Variants in ANKRD13B observed in about 807,000 individuals in gnomAD.
The protein encoded by ANKRD13B is ankyrin repeat domain-containing protein 13B.
Under a neutral mutation model 74.4 loss-of-function variants are expected in ANKRD13B, and 33 were observed. The observed-to-expected ratio is 0.44, with a 90% CI of 0.34 to 0.59. The LOEUF (loss-of-function observed/expected upper bound fraction) is 0.59, where lower values mean the gene tolerates loss of function less well. ANKRD13B is among the 20% of genes least tolerant of loss of function. The pLI is 0.02. For missense variants in ANKRD13B, 676 were observed against 877.9 expected, an observed-to-expected ratio of 0.77 and a Z score of 2.91; for synonymous variants, 341 against 362.9, an observed-to-expected ratio of 0.94 and a Z score of 0.68.
rs1032002455 is a variant in ANKRD13B, at chr17:29,612,735, G to A, written c.1495G>A (p.Ala499Thr). 2 of 1,601,322 alleles carry A rather than the reference G, an allele frequency of 1.2e-6. No homozygotes were observed. Among genetic ancestry groups the A allele is most frequent in the East Asian group, 2.2e-5 (1 of 44,778 alleles). Residue 499 changes from alanine to threonine, a missense_variant, in exon 13 of 15, where the codon GCG becomes ACG. This residue lies in a region of ANKRD13B where 152 missense variants were observed against 181.4 expected (regional missense o/e 0.84). Transcript: ENST00000394859. The surrounding 1 kb of genome is among the most constrained non-coding windows in gnomAD (Gnocchi z 6.1). ...CATGATGGGCGGCCAGCGGGAGGCGGCGACCCGGGACGACGACGACGACCT... is the reference window on the plus strand; with the variant it reads ...CATGATGGGCGGCCAGCGGGAGGCGACGACCCGGGACGACGACGACGACCT... ...YSMMGGQREA[A>T]TRDDDDDLLQ...
intron 1 of ANKRD13B, among the ~76,000 whole-genome samples, chr17:29,605,933 A>G (rs1211573664): frequency 6.7e-6 from 1 of 149,186 alleles, no homozygotes; most frequent in African/African-American, 2.5e-5. Context: ...TTTTTTTGAG[A>G]CGGAGTTTTG....
intron 1 of ANKRD13B, among the ~76,000 whole-genome samples, chr17:29,602,094 G>A (rs2034200667): frequency 6.6e-6 from 1 of 152,082 alleles, no homozygotes; most frequent in South Asian, 2.1e-4. Context: ...AAACTAGGTG[G>A]GTTAAAACAA....
Position 29,609,461 on chromosome 17 carries a change from T to C in ANKRD13B, c.822+40T>C, listed in dbSNP as rs1186056040. 3 of 1,608,872 alleles carry C rather than the reference T, an allele frequency of 1.9e-6. No homozygotes were observed. Among genetic ancestry groups the C allele is most frequent in the African/African-American group, 2.7e-5 (2 of 74,816 alleles). ...CCCAGCTGCCAGCCCAGCTGCACTC[T>C]TGCCTACAGCAAGCTGTACAGGGGA... is the stretch of plus-strand genomic sequence containing the variant. On this transcript the variant is annotated intron_variant, in intron 7 of 14. Transcript: ENST00000394859. This position sits in a 1 kb window ranked among gnomAD's most constrained non-coding sequence, Gnocchi z 4.0.
Position 29,593,501 on chromosome 17 carries a change from C to T in ANKRD13B, c.-121C>T, listed in dbSNP as rs1320138941. On this transcript the variant is annotated 5_prime_UTR_variant, in exon 1 of 15. Coordinates refer to ENST00000394859, the MANE Select transcript of ANKRD13B (RefSeq NM_152345.5). ...CCCCGCCCGCCGCCGCTCGCACATG[C>T]CCGAGCCGCAGCCCCGCGAGCAGGC... The T allele has an allele frequency of 3.7e-6, 1 of 270,438 alleles. No homozygotes were observed. Among genetic ancestry groups the T allele is most frequent in the Non-Finnish European group, 5.6e-6 (1 of 179,188 alleles). 16.8% of individuals were successfully genotyped at this position (270,438 alleles called of 1,614,324 possible).
chr17:29,611,977 C>A lies in ANKRD13B; in HGVS notation c.1071C>A (p.Arg357=), dbSNP rs140351736. The A allele has an allele frequency of 4.4e-4, 718 of 1,613,582 alleles. 1 individual carries two copies. The highest frequency in any genetic ancestry group is 5.9e-4 in the Non-Finnish European group (698 of 1,179,818). Residue 357 remains arginine, a synonymous_variant, in exon 10 of 15, where the codon CGC becomes CGA. Coordinates refer to ENST00000394859, the MANE Select transcript of ANKRD13B (RefSeq NM_152345.5). The surrounding 1 kb of genome is among the most constrained non-coding windows in gnomAD (Gnocchi z 4.3). The part of the protein sequence containing the change: ...NFELGNRDMG[R]PMELTTKTQK... ...AGCTGGGCAACCGTGATATGGGCCG[C>A]CCCATGGAACTGACCACCAAGACAC...
At position 29,607,966 on chromosome 17, in the gene ANKRD13B, C is replaced by G. The variant is rs776074565; in HGVS notation, c.251-20C>G. The G allele has an allele frequency of 1.9e-6, 3 of 1,595,096 alleles. No individual in the cohort carries two copies. The East Asian group carries it at 6.7e-5, about 36-fold the overall frequency. On this transcript the variant is annotated intron_variant, in intron 2 of 14. Transcript: ENST00000394859. Reference sequence around the variant, plus strand: ...TGGCTGAAGGGTCCTGCCCTGTGACCTTGCCTCGCCCTCCCCCAGTGCTCC... The same window carrying G: ...TGGCTGAAGGGTCCTGCCCTGTGACGTTGCCTCGCCCTCCCCCAGTGCTCC...
At position 29,613,928 on chromosome 17, in the gene ANKRD13B, T is replaced by G. The variant is rs1293609280; in HGVS notation, c.*346T>G. 2 of 276,230 alleles carry G rather than the reference T, an allele frequency of 7.2e-6. No individual in the cohort carries two copies. Among genetic ancestry groups the G allele is most frequent in the African/African-American group, 4.4e-5 (2 of 45,482 alleles). 17.1% of individuals were successfully genotyped at this position (276,230 alleles called of 1,614,324 possible). On this transcript the variant is annotated 3_prime_UTR_variant, in exon 15 of 15. Transcript: ENST00000394859. Reference sequence around the variant, plus strand: ...TTAGAGGAGCGCTGTCCCTATCCCTTGCTCCTTCTGGCCGGTCCGCATTTC... The same window carrying G: ...TTAGAGGAGCGCTGTCCCTATCCCTGGCTCCTTCTGGCCGGTCCGCATTTC...
intron 1 of ANKRD13B, among the ~76,000 whole-genome samples, chr17:29,600,823 G>A (rs1288669334): frequency 1.3e-5 from 2 of 152,098 alleles, no homozygotes; most frequent in Non-Finnish European, 2.9e-5. Context: ...AGTCAGTTGT[G>A]AGGCCCCAGC....
Position 29,610,703 on chromosome 17 carries a change from G to T in ANKRD13B, c.841G>T (p.Val281Leu). 1 of 1,613,972 alleles carries T rather than the reference G, an allele frequency of 6.2e-7. No individual in the cohort carries two copies. Among genetic ancestry groups the T allele is most frequent in the Non-Finnish European group, 8.5e-7 (1 of 1,179,914 alleles). Reference protein sequence around the residue: ...YEAKVYGASNVELITRTRTEH... With the variant: ...YEAKVYGASNLELITRTRTEH... ...TCCCCAGGTGTATGGGGCATCTAACGTGGAGCTCATCACCCGCACACGGAC... is the reference window on the plus strand; with the variant it reads ...TCCCCAGGTGTATGGGGCATCTAACTTGGAGCTCATCACCCGCACACGGAC... The change falls in exon 8 of 15, where the codon GTG (valine) becomes TTG (leucine). Residue 281 changes from valine to leucine, a missense_variant. Val to Leu is a conservative substitution (Grantham distance 32, BLOSUM62 1). Around this residue, in one of 4 missense-constraint regions of ANKRD13B, gnomAD observed 328 missense variants for 518.4 expected, o/e 0.63. Transcript: ENST00000394859.
chr17:29,607,565 T>C (rs888667144), intron 1 of ANKRD13B, among the ~76,000 whole-genome samples, 177 bp from the exon 2 acceptor site: 3 of 152,194 alleles, frequency 2.0e-5, no homozygotes, highest in African/African-American at 7.2e-5. Context: ...CCGTTGCTCA[T>C]AGTGTCTGTC....
chr17:29,593,895 A>ATGGGAGTGGGCCCGGCCCGC, intron 1 of ANKRD13B, 160 bp downstream of exon 1: 2 of 315,506 alleles, frequency 6.3e-6, no homozygotes, highest in Non-Finnish European at 5.6e-6. Context: ...GGAAAGGGTG[A>ATGGGAGTGGGCCCGGCCCGC]TCCCCTCCGG....
chr17:29,613,386 C>T lies in ANKRD13B; in HGVS notation c.1685C>T (p.Ala562Val), dbSNP rs1409649392. ...CCGCCCACGCCGCAGCGCCAGCCTGCGCCCCCGGCGTCAGTGCCCAGCCCT... is the reference window on the plus strand; with the variant it reads ...CCGCCCACGCCGCAGCGCCAGCCTGTGCCCCCGGCGTCAGTGCCCAGCCCT... ...SAPPTPQRQP[A>V]PPASVPSPRP... The change falls in exon 15 of 15, where the codon GCG (alanine) becomes GTG (valine). Residue 562 changes from alanine to valine, a missense_variant. Around this residue, in one of 4 missense-constraint regions of ANKRD13B, gnomAD observed 152 missense variants for 181.4 expected, o/e 0.84. Transcript: ENST00000394859. The T allele has an allele frequency of 6.7e-7, 1 of 1,482,314 alleles. No individual in the cohort carries two copies. Among genetic ancestry groups the T allele is most frequent in the Non-Finnish European group, 8.9e-7 (1 of 1,122,460 alleles). The allele number at this position is 1,482,314 out of a possible 1,614,324, so 91.8% of individuals were successfully genotyped here.
At chr17:29,607,041 C>T (rs906356648) in intron 1 of ANKRD13B, among the ~76,000 whole-genome samples, 1 of 151,922 alleles carries the variant, frequency 6.6e-6, no homozygotes, top group African/African-American at 2.4e-5. Flanking sequence ...CAGAGTGAGA[C>T]TCCGTCCCCC....
Position 29,593,453 on chromosome 17 carries a change from CCGCACCGCGCCGGG to C in ANKRD13B, c.-165_-152del, listed in dbSNP as rs1313573308. On this transcript the variant is annotated 5_prime_UTR_variant, in exon 1 of 15. The change creates a premature stop within an existing upstream ORF in the 5' untranslated region. Transcript: ENST00000394859. ...CGAGGACGCCCGTCGCCCGCGCCGC[CCGCACCGCGCCGGG>C]CGCGCCGCCCCCGCCCGCCGCCGCT... The C allele has an allele frequency of 6.5e-6, 1 of 153,048 alleles. No individual in the cohort carries two copies. Among genetic ancestry groups the C allele is most frequent in the East Asian group, 2.0e-4 (1 of 4,970 alleles). 9.5% of individuals were successfully genotyped at this position (153,048 alleles called of 1,614,324 possible).
intron 1 of ANKRD13B, among the ~76,000 whole-genome samples, chr17:29,596,721 T>C (rs971045305): frequency 4.6e-5 from 7 of 152,310 alleles, no homozygotes; most frequent in African/African-American, 1.7e-4. Flanking sequence ...GGGAGATGGG[T>C]TGTGGGGCCC....
In ANKRD13B at chr17:29,608,254, A is replaced by G; in HGVS notation, c.421+14A>G. 1 of 1,614,096 alleles carries G rather than the reference A, an allele frequency of 6.2e-7. No individual in the cohort carries two copies. Among genetic ancestry groups the G allele is most frequent in the Non-Finnish European group, 8.5e-7 (1 of 1,180,012 alleles). ...TCACTAGCTGGGGTAAGCGGGCTGC[A>G]GCAGGTCGCTTCTGGGCTCTCCCAC... On this transcript the variant is annotated intron_variant, in intron 4 of 14. Coordinates refer to ENST00000394859, the MANE Select transcript of ANKRD13B (RefSeq NM_152345.5). This position sits in a 1 kb window ranked among gnomAD's most constrained non-coding sequence, Gnocchi z 6.4.
At position 29,593,548 on chromosome 17, in the gene ANKRD13B, G is replaced by C. The variant is rs897049167; in HGVS notation, c.-74G>C. ...AGGCAGCGCCGGCCCCCCGCCCCGC[G>C]GCCCCGGGCCCCGGCTCCGGCGCCG... is the stretch of plus-strand genomic sequence containing the variant. On this transcript the variant is annotated 5_prime_UTR_variant, in exon 1 of 15. Transcript: ENST00000394859. 120 of 635,686 alleles carry C rather than the reference G, an allele frequency of 1.9e-4. No individual in the cohort carries two copies. Among genetic ancestry groups the C allele is most frequent in the Admixed American group, 8.2e-4 (13 of 15,856 alleles). The allele number at this position is 635,686 out of a possible 1,614,324, so 39.4% of individuals were successfully genotyped here.
intron 1 of ANKRD13B, among the ~76,000 whole-genome samples, chr17:29,604,669 G>A (rs2150888164): frequency 6.6e-6 from 1 of 151,800 alleles, no homozygotes; most frequent in African/African-American, 2.4e-5. Context: ...AGCCTCCTGA[G>A]TAGCTGGGAT....
chr17:29,604,317 T>C (rs1188220673), intron 1 of ANKRD13B, among the ~76,000 whole-genome samples: 1 of 151,712 alleles, frequency 6.6e-6, no homozygotes, highest in Non-Finnish European at 1.5e-5. Flanking sequence ...TAAGGGATCC[T>C]CCTGCCTCAG....
Sources: allele counts gnomAD v4.1 joint callset (sites outside exome capture counted in the v4.1 genomes callset), GRCh38; gene constraint gnomAD v4.1.1; regional missense constraint gnomAD v4.1.1; non-coding constraint Gnocchi (gnomAD v3.1); transcripts MANE v1.5; gene names NCBI Gene and HGNC (gene_info 2026-07-23, HGNC 2026-07-21).